Variants in AP3S1 observed in about 807,000 individuals in gnomAD.
AP3S1 encodes the protein adaptor related protein complex 3 subunit sigma 1.
AP3S1 carries 12 observed loss-of-function variants against 21.3 expected under a neutral mutation model. The observed-to-expected ratio is 0.56, with a 90% CI of 0.36 to 0.91. AP3S1 has a LOEUF of 0.91. Ranked by LOEUF, AP3S1 falls within the 40% of genes least tolerant of loss-of-function variation. AP3S1 has a pLI of 0.01. For synonymous variants in AP3S1, 48 were observed against 78.4 expected (o/e 0.61, Z 2.05); for missense variants, 116 against 225.0 (o/e 0.52, Z 3.10).
At chr5:115,902,188 TAGATTC>T (rs1424092948) in intron 4 of AP3S1, among the ~76,000 whole-genome samples, 1 of 152,236 alleles carries the variant, frequency 6.6e-6, no homozygotes, top group Non-Finnish European at 1.5e-5. Context: ...TATAGCAGAA[TAGATTC>T]TTCTGTGAAA....
At chr5:115,862,223 T>A (rs1399436887) in intron 1 of AP3S1, among the ~76,000 whole-genome samples, 2 of 152,052 alleles carry the variant, frequency 1.3e-5, no homozygotes. Context: ...CTTGCAAGGG[T>A]CTACTTACAC....
intron 3 of AP3S1, among the ~76,000 whole-genome samples, chr5:115,874,306 T>C (rs1748519804): frequency 6.6e-6 from 1 of 152,084 alleles, no homozygotes; most frequent in Non-Finnish European, 1.5e-5. Flanking sequence ...CTTTCTGTTG[T>C]AGCATATTGT....
chr5:115,878,198 A>C (rs949890591), intron 3 of AP3S1, among the ~76,000 whole-genome samples: 4 of 152,130 alleles, frequency 2.6e-5, no homozygotes, highest in Admixed American at 6.5e-5. Flanking sequence ...GAAACTCTTT[A>C]GTTTAATTAG....
chr5:115,877,672 T>A (rs1748857851), intron 3 of AP3S1, among the ~76,000 whole-genome samples: 1 of 152,338 alleles, frequency 6.6e-6, no homozygotes, highest in East Asian at 1.9e-4. Context: ...TGTGTGCATG[T>A]GTCTTTATAG....
At chr5:115,888,799 C>T (rs1323823640) in intron 3 of AP3S1, among the ~76,000 whole-genome samples, 1 of 151,894 alleles carries the variant, frequency 6.6e-6, no homozygotes, top group Non-Finnish European at 1.5e-5. Context: ...TTATAATTAT[C>T]ATGTATTTTG....
chr5:115,842,202 C>T, intron 1 of AP3S1, 96 bp downstream of exon 1: 2 of 1,461,658 alleles, frequency 1.4e-6, no homozygotes, highest in East Asian at 2.9e-5. Flanking sequence ...CTCCGGCGCG[C>T]TGCGGCCCTT....
At chr5:115,851,672 T>C (rs1239852622) in intron 1 of AP3S1, among the ~76,000 whole-genome samples, 1 of 152,158 alleles carries the variant, frequency 6.6e-6, no homozygotes, top group African/African-American at 2.4e-5. Context: ...TGTTTGTTTT[T>C]GTTGTTAAGT....
chr5:115,906,391 A>G (rs1299488408), intron 5 of AP3S1, among the ~76,000 whole-genome samples: 1 of 152,208 alleles, frequency 6.6e-6, no homozygotes, highest in African/African-American at 2.4e-5. Flanking sequence ...AAGTTAGTAC[A>G]TTTCTGGTAA....
intron 4 of AP3S1, among the ~76,000 whole-genome samples, chr5:115,899,109 G>A (rs1053021088): frequency 6.6e-6 from 1 of 152,156 alleles, no homozygotes; most frequent in East Asian, 1.9e-4. Context: ...AGTGATTAGG[G>A]TAGAGATCTG....
chr5:115,866,654 A>G lies in AP3S1; in HGVS notation c.70-16A>G. ...TATACACTCCATCCTAATATATATG[A>G]ATTATTCTTCCTCAGAGTGAAGATA... is the stretch of plus-strand genomic sequence containing the variant. On this transcript the variant is annotated splice_polypyrimidine_tract_variant and intron_variant, in intron 1 of 5. Transcript: ENST00000316788. 6.5e-7 allele frequency: 1 copy of G among 1,546,856 alleles called. No homozygotes were observed. Among genetic ancestry groups the G allele is most frequent in the South Asian group, 1.2e-5 (1 of 86,044 alleles).
At chr5:115,897,717 G>A (rs1262549992) in intron 4 of AP3S1, among the ~76,000 whole-genome samples, 2 of 151,782 alleles carry the variant, frequency 1.3e-5, no homozygotes, top group Non-Finnish European at 2.9e-5. Context: ...CCGCCACCAC[G>A]CCTGGCTAAT....
chr5:115,893,376 T>G (rs569211550), intron 3 of AP3S1, among the ~76,000 whole-genome samples: 1 of 152,208 alleles, frequency 6.6e-6, no homozygotes, highest in African/African-American at 2.4e-5. Flanking sequence ...TTTAGGAAAT[T>G]TCATGAAGTC....
chr5:115,888,802 G>A (rs2112894787), intron 3 of AP3S1, among the ~76,000 whole-genome samples: 1 of 152,156 alleles, frequency 6.6e-6, no homozygotes, highest in South Asian at 2.1e-4. Context: ...TAATTATCAT[G>A]TATTTTGAAC....
intron 4 of AP3S1, among the ~76,000 whole-genome samples, chr5:115,901,305 G>C (rs1266230121): frequency 6.6e-6 from 1 of 151,888 alleles, no homozygotes; most frequent in Non-Finnish European, 1.5e-5. Context: ...TGGATAAAGG[G>C]ACCTAAAAAC....
At chr5:115,886,975 G>A (rs1179575261) in intron 3 of AP3S1, among the ~76,000 whole-genome samples, 2 of 152,170 alleles carry the variant, frequency 1.3e-5, no homozygotes, top group African/African-American at 2.4e-5. Context: ...TCCAAGTGAG[G>A]TTTAATAGAA....
chr5:115,912,450 T>C (rs1015017587), intron 5 of AP3S1, among the ~76,000 whole-genome samples: 9 of 152,176 alleles, frequency 5.9e-5, no homozygotes, highest in Admixed American at 5.9e-4. Context: ...ATGATATGTA[T>C]GCATTTTCTT....
intron 1 of AP3S1, among the ~76,000 whole-genome samples, chr5:115,859,622 T>C (rs1010021518): frequency 6.6e-6 from 1 of 152,238 alleles, no homozygotes; most frequent in African/African-American, 2.4e-5. Context: ...CACATTCCAC[T>C]GGCCAGAACT....
At chr5:115,889,977 A>G (rs1055749702) in intron 3 of AP3S1, among the ~76,000 whole-genome samples, 3 of 152,238 alleles carry the variant, frequency 2.0e-5, no homozygotes, top group Non-Finnish European at 4.4e-5. Flanking sequence ...GAGTATGGTT[A>G]AAGTTAAAAG....
At chr5:115,867,333 A>C (rs1327542379) in intron 2 of AP3S1, among the ~76,000 whole-genome samples, 1 of 152,178 alleles carries the variant, frequency 6.6e-6, no homozygotes, top group Non-Finnish European at 1.5e-5. Context: ...TTACTGTTAC[A>C]AGACTGAAGT....
Sources: allele counts gnomAD v4.1 joint callset (sites outside exome capture counted in the v4.1 genomes callset), GRCh38; gene constraint gnomAD v4.1.1; transcripts MANE v1.5; gene names NCBI Gene and HGNC (gene_info 2026-07-23, HGNC 2026-07-21).